DIAPH3: variants seen among roughly 807,000 people sequenced by gnomAD.
The protein encoded by DIAPH3 is protein diaphanous homolog 3.
DIAPH3 carries 117 observed loss-of-function variants against 144.3 expected under a neutral mutation model. That is an observed-to-expected ratio of 0.81 (90% CI 0.70 to 0.95). The LOEUF is 0.95. DIAPH3 is among the 40% of genes least tolerant of loss of function. The pLI, the probability that DIAPH3 is intolerant of heterozygous loss-of-function variation, is 0.00. For synonymous variants in DIAPH3, 519 were observed against 488.9 expected (o/e 1.06, Z -0.81); for missense variants, 1,421 against 1,412.7 (o/e 1.01, Z -0.09).
chr13:60,126,505 A>C (rs2058994977), intron 2 of DIAPH3, among the ~76,000 whole-genome samples: 1 of 152,226 alleles, frequency 6.6e-6, no homozygotes, highest in Admixed American at 6.5e-5. Context: ...AATAAAATCT[A>C]AAATCACAGT....
At chr13:60,115,792 TTGTC>T (rs1335310403) in intron 2 of DIAPH3, among the ~76,000 whole-genome samples, 2 of 152,270 alleles carry the variant, frequency 1.3e-5, no homozygotes, top group South Asian at 4.1e-4. Context: ...TCTAACCAGT[TTGTC>T]TGCAAGTTTT....
chr13:59,746,050 T>C (rs1010252594), intron 27 of DIAPH3, among the ~76,000 whole-genome samples: 5 of 152,234 alleles, frequency 3.3e-5, no homozygotes, highest in African/African-American at 1.2e-4. Context: ...GTCCATGTTG[T>C]ATATTACATT....
chr13:59,881,810 TA>T (rs936843847), intron 20 of DIAPH3, among the ~76,000 whole-genome samples: 7 of 149,812 alleles, frequency 4.7e-5, no homozygotes, highest in Admixed American at 1.3e-4. Context: ...GAACAACACT[TA>T]AAAAAAAAAT....
intron 27 of DIAPH3, among the ~76,000 whole-genome samples, chr13:59,718,375 G>A (rs2035166463): frequency 6.6e-6 from 1 of 152,170 alleles, no homozygotes; most frequent in African/African-American, 2.4e-5. Flanking sequence ...AAAATCAGAT[G>A]TTTAGCATTT....
At chr13:60,051,936 G>T (rs2056365258) in intron 4 of DIAPH3, among the ~76,000 whole-genome samples, 1 of 152,208 alleles carries the variant, frequency 6.6e-6, no homozygotes, top group South Asian at 2.1e-4. Flanking sequence ...TGGTCATGTG[G>T]TAGGATATCG....
At position 59,879,448 on chromosome 13, in the gene DIAPH3, TAGTCTCTTC is replaced by T. The variant is rs1159427865; in HGVS notation, c.2379_2387del (p.Lys794_Leu796del). 6.2e-7 allele frequency: 1 copy of T among 1,613,730 alleles called. No individual in the cohort carries two copies. ...AGAGAATAGCACTGAGCCGTGGCCG[TAGTCTCTTC>T]ACATTGCTCATCTGATTGAAAAGAA... On this transcript the variant is annotated inframe_deletion, in exon 21 of 28. Transcript: ENST00000400324.
Position 59,774,728 on chromosome 13 carries a change from C to CT in DIAPH3, c.3258dup (p.Asp1087ArgfsTer19). ...AACATGAAACAAGTATAGGGTTCAC[C>CT]TTTTGGCATCGGTGTCCTTTTTCTT... On this transcript the variant is annotated frameshift_variant and splice_region_variant, in exon 26 of 28. Transcript: ENST00000400324. LOFTEE classifies it high-confidence loss of function. The CT allele has an allele frequency of 5.0e-6, 8 of 1,613,850 alleles. No homozygotes were observed. The highest frequency in any genetic ancestry group is 6.8e-6 in the Non-Finnish European group (8 of 1,179,772).
chr13:59,696,656 G>GTAGATTGATGCACTTTT (rs1242342973), intron 27 of DIAPH3, among the ~76,000 whole-genome samples: 2 of 152,186 alleles, frequency 1.3e-5, no homozygotes, highest in African/African-American at 2.4e-5. Flanking sequence ...AAATGGCTGT[G>GTAGATTGATGCACTTTT]AAAATTGATG....
At chr13:60,034,801 T>C (rs1015191531) in intron 5 of DIAPH3, 7 of 152,200 alleles carry the variant, frequency 4.6e-5, no homozygotes, top group Non-Finnish European at 1.0e-4. Context: ...CTCCCCGTTA[T>C]ACTTAAGTAT....
At chr13:59,693,529 C>T (rs559664269) in intron 27 of DIAPH3, among the ~76,000 whole-genome samples, 3 of 152,074 alleles carry the variant, frequency 2.0e-5, no homozygotes, top group African/African-American at 4.8e-5. Flanking sequence ...AAAGTAGATG[C>T]TCTTGGATGG....
chr13:60,140,450 T>C (rs1196858011), intron 1 of DIAPH3, among the ~76,000 whole-genome samples: 1 of 152,128 alleles, frequency 6.6e-6, no homozygotes, highest in Non-Finnish European at 1.5e-5. Context: ...ATAGGAAAGA[T>C]TAAATAAATC....
At chr13:59,743,757 T>C (rs1236822769) in intron 27 of DIAPH3, among the ~76,000 whole-genome samples, 1 of 152,206 alleles carries the variant, frequency 6.6e-6, no homozygotes, top group Non-Finnish European at 1.5e-5. Flanking sequence ...GCATTTTCAT[T>C]TCCTTTAAAG....
intron 14 of DIAPH3, among the ~76,000 whole-genome samples, chr13:59,978,804 T>C (rs560618265): frequency 1.3e-5 from 2 of 151,636 alleles, no homozygotes; most frequent in Non-Finnish European, 3.0e-5. Flanking sequence ...CAAAATTACA[T>C]GCAAAAAAAT....
intron 5 of DIAPH3, among the ~76,000 whole-genome samples, chr13:60,032,552 C>G (rs2054885501): frequency 1.3e-5 from 2 of 152,184 alleles, no homozygotes; most frequent in Admixed American, 1.3e-4. Flanking sequence ...CAAGCTGTAC[C>G]AGGGCCACTT....
chr13:60,150,908 T>C (rs1951748762), intron 1 of DIAPH3, among the ~76,000 whole-genome samples: 1 of 151,956 alleles, frequency 6.6e-6, no homozygotes, highest in African/African-American at 2.4e-5. Flanking sequence ...GTGGGTTTAG[T>C]GTGGAGCAAA....
At chr13:60,061,265 G>A (rs2056760344) in intron 4 of DIAPH3, among the ~76,000 whole-genome samples, 5 of 152,102 alleles carry the variant, frequency 3.3e-5, no homozygotes, top group African/African-American at 1.2e-4. Flanking sequence ...TAGGAAGGGA[G>A]AGAATAGAAG....
intron 17 of DIAPH3, among the ~76,000 whole-genome samples, chr13:59,934,137 C>A (rs981399482): frequency 1.3e-5 from 2 of 152,018 alleles, no homozygotes; most frequent in African/African-American, 2.4e-5. Context: ...GTAATAAAAA[C>A]CAGTTTTCTC....
intron 5 of DIAPH3, among the ~76,000 whole-genome samples, chr13:60,016,348 G>C (rs552530545): frequency 1.3e-5 from 2 of 152,144 alleles, no homozygotes; most frequent in African/African-American, 4.8e-5. Context: ...GCTAAACTCC[G>C]CTTGCACAGG....
intron 1 of DIAPH3, among the ~76,000 whole-genome samples, chr13:60,136,878 T>G (rs1399401537): frequency 6.6e-6 from 1 of 151,910 alleles, no homozygotes. Flanking sequence ...AGGCGGAGCT[T>G]GCAGTGAGCC....
Sources: allele counts gnomAD v4.1 joint callset (sites outside exome capture counted in the v4.1 genomes callset), GRCh38; gene constraint gnomAD v4.1.1; transcripts MANE v1.5; gene names NCBI Gene and HGNC (gene_info 2026-07-23, HGNC 2026-07-21).